Variants in GALNT13 observed in about 807,000 individuals in gnomAD.
GALNT13 encodes UDP-GalNAc:polypeptide N-acetylgalactosaminyltransferase 13.
Under a neutral mutation model 64.2 loss-of-function variants are expected in GALNT13, and 28 were observed. The observed-to-expected ratio is 0.44, with a 90% CI of 0.32 to 0.60. GALNT13 has a LOEUF of 0.60. Ranked by LOEUF, GALNT13 falls within the 20% of genes least tolerant of loss-of-function variation. The pLI is 0.05. For synonymous variants in GALNT13, 214 were observed against 224.6 expected (o/e 0.95, Z 0.42); for missense variants, 577 against 669.8 (o/e 0.86, Z 1.53).
At chr2:153,872,619 C>CGGGGGGGGGG (rs1218155488) in intron 1 of GALNT13, among the ~76,000 whole-genome samples, 4 of 16,292 alleles carry the variant, frequency 2.5e-4, no homozygotes, top group Admixed American at 7.2e-4. Flanking sequence ...TTGTTGGTGG[C>CGGGGGGGGGG]GGGGGGGGGG....
At chr2:153,630,161 G>C in the GALNT13 span, among the ~76,000 whole-genome samples, 6 of 151,712 alleles carry the variant, frequency 4.0e-5, no homozygotes, top group Admixed American at 6.6e-5. Flanking sequence ...TATACCCAAA[G>C]GATTATAAGT....
chr2:153,070,967 G>T, the GALNT13 span, among the ~76,000 whole-genome samples: 1 of 152,082 alleles, frequency 6.6e-6, no homozygotes, highest in Non-Finnish European at 1.5e-5. Context: ...ACTGACACAA[G>T]AATAAAAACA....
chr2:153,879,971 G>GTTTTT (rs1219194835), intron 1 of GALNT13, among the ~76,000 whole-genome samples: 1 of 152,106 alleles, frequency 6.6e-6, no homozygotes, highest in Non-Finnish European at 1.5e-5. Flanking sequence ...AATACATAAT[G>GTTTTT]TTGCAGACAA....
intron 3 of GALNT13, among the ~76,000 whole-genome samples, chr2:153,960,532 A>T (rs1692871539): frequency 6.6e-6 from 1 of 152,212 alleles, no homozygotes; most frequent in African/African-American, 2.4e-5. Flanking sequence ...AGTCACATTT[A>T]TACCCATTTT....
chr2:153,613,392 A>G, the GALNT13 span, among the ~76,000 whole-genome samples: 12 of 152,136 alleles, frequency 7.9e-5, no homozygotes, highest in Admixed American at 2.0e-4. Context: ...TTCCATAAAT[A>G]TGTGCATTTT....
chr2:154,387,709 C>A (rs1431788642), intron 9 of GALNT13, among the ~76,000 whole-genome samples: 1 of 152,102 alleles, frequency 6.6e-6, no homozygotes, highest in Non-Finnish European at 1.5e-5. Flanking sequence ...TTTCACTTAG[C>A]ATAATGTCCT....
At chr2:153,504,502 A>G in the GALNT13 span, among the ~76,000 whole-genome samples, 1 of 152,176 alleles carries the variant, frequency 6.6e-6, no homozygotes, top group Non-Finnish European at 1.5e-5. Flanking sequence ...CCCATTCAGT[A>G]TAATGATGGT....
chr2:153,812,888 C>G, the GALNT13 span, among the ~76,000 whole-genome samples: 7 of 152,178 alleles, frequency 4.6e-5, no homozygotes, highest in Non-Finnish European at 8.8e-5. Flanking sequence ...GTAAAAGATC[C>G]TCCAGGGTTT....
intron 3 of GALNT13, among the ~76,000 whole-genome samples, chr2:154,089,471 G>T (rs978545202): frequency 6.6e-6 from 1 of 151,968 alleles, no homozygotes; most frequent in Non-Finnish European, 1.5e-5. Flanking sequence ...AGAAGTGGGG[G>T]GTCAGACAAA....
the GALNT13 span, among the ~76,000 whole-genome samples, chr2:153,341,022 T>C: frequency 4.3e-4 from 66 of 152,314 alleles, no homozygotes; most frequent in Admixed American, 2.1e-3. Context: ...TGTGTCTTAA[T>C]AAGCCCTCTA....
the GALNT13 span, among the ~76,000 whole-genome samples, chr2:153,538,826 AT>A: frequency 4.5e-5 from 1 of 22,322 alleles, no homozygotes; most frequent in Non-Finnish European, 7.6e-5. Context: ...AGTCTTTGCT[AT>A]TGTGAATAAT....
At chr2:153,995,670 G>A (rs1284940931) in intron 3 of GALNT13, among the ~76,000 whole-genome samples, 2 of 151,850 alleles carry the variant, frequency 1.3e-5, no homozygotes, top group Non-Finnish European at 1.5e-5. Context: ...ATTTCTCCGT[G>A]GTGGTAACTT....
At chr2:153,655,607 A>G in the GALNT13 span, among the ~76,000 whole-genome samples, 1 of 152,178 alleles carries the variant, frequency 6.6e-6, no homozygotes, top group African/African-American at 2.4e-5. Flanking sequence ...ATGACAGGGC[A>G]GGTTATGAAA....
At chr2:153,113,786 A>G in the GALNT13 span, among the ~76,000 whole-genome samples, 1 of 152,102 alleles carries the variant, frequency 6.6e-6, no homozygotes, top group African/African-American at 2.4e-5. Flanking sequence ...TCATTGAGTT[A>G]GACACCTCAT....
chr2:154,418,576 G>T (rs1700125181), intron 11 of GALNT13, among the ~76,000 whole-genome samples: 1 of 152,134 alleles, frequency 6.6e-6, no homozygotes, highest in African/African-American at 2.4e-5. Context: ...TTTTCCCCCA[G>T]ACCCTCTGGA....
At chr2:153,930,123 G>T (rs1173856369) in intron 2 of GALNT13, among the ~76,000 whole-genome samples, 1 of 152,054 alleles carries the variant, frequency 6.6e-6, no homozygotes, top group Non-Finnish European at 1.5e-5. Context: ...CCTTATGTTT[G>T]TTGGTCACAT....
chr2:153,068,492 G>A, the GALNT13 span, among the ~76,000 whole-genome samples: 1 of 152,118 alleles, frequency 6.6e-6, no homozygotes, highest in Admixed American at 6.5e-5. Flanking sequence ...TCTATGTTTG[G>A]AATACAGATG....
At chr2:153,902,283 G>T (rs918341422) in intron 2 of GALNT13, among the ~76,000 whole-genome samples, 1 of 115,786 alleles carries the variant, frequency 8.6e-6, no homozygotes, top group Non-Finnish European at 1.8e-5. Context: ...AGAGGGATGA[G>T]AATAAGAGAT....
chr2:153,562,060 CTGTGTGTGTGTGTGTGTG>C, the GALNT13 span, among the ~76,000 whole-genome samples: 499 of 118,898 alleles, frequency 4.2e-3, 2 homozygotes, highest in Non-Finnish European at 5.2e-3. Context: ...CTCTCTCTCT[CTGTGTGTGTGTGTGTGTG>C]TGTGTGTGTG....
Sources: gnomAD v4.1 joint callset for allele counts (sites outside exome capture counted in the v4.1 genomes callset) on GRCh38, gnomAD v4.1.1 for gene constraint, MANE v1.5 for transcripts, NCBI Gene and HGNC (gene_info 2026-07-23, HGNC 2026-07-21) for gene names.